CYYR1: variants seen among roughly 807,000 people sequenced by gnomAD.
CYYR1 encodes cysteine and tyrosine rich 1.
CYYR1 carries 14 observed loss-of-function variants against 15.2 expected under a neutral mutation model. That is an observed-to-expected ratio of 0.92 (90% confidence interval 0.61 to 1.44). CYYR1 has a LOEUF of 1.44. Ranked by LOEUF, CYYR1 falls within the 40% of genes most tolerant of loss-of-function variation. The pLI, the probability that CYYR1 is intolerant of heterozygous loss-of-function variation, is 0.00. For synonymous variants in CYYR1, 80 were observed against 77.4 expected (o/e 1.03, Z -0.18); for missense variants, 228 against 209.5 (o/e 1.09, Z -0.54).
intron 2 of CYYR1, chr21:26,503,830 A>G (rs1261957343): frequency 6.6e-6 from 1 of 152,234 alleles, no homozygotes; most frequent in Non-Finnish European, 1.5e-5. Flanking sequence ...GTACAAATCC[A>G]TACAAAAGAG....
intron 2 of CYYR1, among the ~76,000 whole-genome samples, chr21:26,562,799 A>ACACACACACACACACACAC (rs1980321214): frequency 4.5e-5 from 6 of 132,492 alleles, no homozygotes; most frequent in Admixed American, 7.5e-5. Flanking sequence ...GACATACACA[A>ACACACACACACACACACAC]ACACACACAC....
rs899484858 is a variant in CYYR1 at position 26,466,317 on chromosome 21, A to G, written c.*2184T>C. 6.6e-6 allele frequency: 1 copy of G among 152,218 alleles called. No homozygotes were observed. Among genetic ancestry groups the G allele is most frequent in the Admixed American group, 6.5e-5 (1 of 15,284 alleles). The allele number at this position is 152,218 out of a possible 1,614,324, so 9.4% of individuals were successfully genotyped here. ...CCGTAATTCAAAACTTTCACATCCT[A>G]TACTATTTTTCCCCAAGAAGCATCA... On this transcript the variant is annotated 3_prime_UTR_variant, in exon 4 of 4. Transcript: ENST00000652641.
intron 2 of CYYR1, among the ~76,000 whole-genome samples, chr21:26,553,065 CTTAAT>C: frequency 1.3e-5 from 2 of 152,090 alleles, no homozygotes; most frequent in South Asian, 4.1e-4. Flanking sequence ...CTTAATTTTT[CTTAAT>C]TTAAGAATGT....
chr21:26,498,572 C>T (rs374711194), intron 2 of CYYR1, among the ~76,000 whole-genome samples: 19 of 152,266 alleles, frequency 1.2e-4, no homozygotes, highest in African/African-American at 4.6e-4. Flanking sequence ...TGTGAAGGGC[C>T]TTATGAGCCA....
At chr21:26,560,839 T>A (rs976055383) in intron 2 of CYYR1, among the ~76,000 whole-genome samples, 2 of 152,162 alleles carry the variant, frequency 1.3e-5, no homozygotes, top group Non-Finnish European at 2.9e-5. Flanking sequence ...GGCAGGAACG[T>A]GATGTTTGAT....
intron 3 of CYYR1, among the ~76,000 whole-genome samples, chr21:26,474,981 GC>G (rs1234594559): frequency 7.9e-5 from 12 of 152,006 alleles, no homozygotes; most frequent in Non-Finnish European, 1.2e-4. Context: ...CTTCTCCATT[GC>G]CTGGCAGAAC....
intron 3 of CYYR1, chr21:26,478,162 A>T (rs1047110898): frequency 6.5e-7 from 1 of 1,548,610 alleles, no homozygotes; most frequent in Admixed American, 2.0e-5. Context: ...AACAATAAAC[A>T]ATCAACATAA....
At chr21:26,511,987 T>TAC (rs61382991) in intron 2 of CYYR1, among the ~76,000 whole-genome samples, 2,330 of 148,202 alleles carry the variant, frequency 0.016, 38 homozygotes, top group African/African-American at 0.041. Flanking sequence ...ATATCACACA[T>TAC]ACACACACAC....
intron 3 of CYYR1, chr21:26,471,461 A>G (rs1453666964): frequency 6.6e-6 from 1 of 152,224 alleles, no homozygotes. Context: ...ATGCAGCTGC[A>G]TGTTGAACAT....
At chr21:26,542,013 A>G (rs1376252530) in intron 2 of CYYR1, among the ~76,000 whole-genome samples, 1 of 152,208 alleles carries the variant, frequency 6.6e-6, no homozygotes, top group African/African-American at 2.4e-5. Context: ...AGATAACAGT[A>G]AACTGAAAGA....
intron 2 of CYYR1, among the ~76,000 whole-genome samples, chr21:26,485,931 T>C (rs1475845355): frequency 1.3e-5 from 2 of 152,140 alleles, no homozygotes; most frequent in South Asian, 2.1e-4. Context: ...TCTGCGTCCT[T>C]GCCAGTATCT....
intron 2 of CYYR1, chr21:26,483,452 T>A (rs1348884117): frequency 1.7e-5 from 17 of 982,470 alleles, no homozygotes; most frequent in Non-Finnish European, 1.9e-5. Flanking sequence ...ACTTGGAAGT[T>A]TAGTTTGCAA....
At chr21:26,572,831 G>A (rs745960184) in intron 1 of CYYR1, 37 bp downstream of exon 1, 2 of 1,610,472 alleles carry the variant, frequency 1.2e-6, no homozygotes, top group Admixed American at 3.4e-5. Flanking sequence ...GGGCAGCCCC[G>A]AGCCTCTGAC....
chr21:26,514,708 T>C (rs1009059997), intron 2 of CYYR1, among the ~76,000 whole-genome samples: 4 of 152,204 alleles, frequency 2.6e-5, no homozygotes, highest in African/African-American at 9.7e-5. Flanking sequence ...CTAACTTATT[T>C]TGAGCACTAA....
chr21:26,535,595 A>G (rs1403024303), intron 2 of CYYR1, among the ~76,000 whole-genome samples: 2 of 152,224 alleles, frequency 1.3e-5, no homozygotes, highest in Non-Finnish European at 2.9e-5. Flanking sequence ...GGTTAAGTCA[A>G]TGAATTCTAA....
chr21:26,495,699 T>C (rs770921143), intron 2 of CYYR1, among the ~76,000 whole-genome samples: 12 of 152,322 alleles, frequency 7.9e-5, no homozygotes, highest in Non-Finnish European at 4.4e-5. Flanking sequence ...GGGTGAACTG[T>C]TGACGTGATC....
At chr21:26,518,085 G>A (rs1244012422) in intron 2 of CYYR1, among the ~76,000 whole-genome samples, 1 of 152,188 alleles carries the variant, frequency 6.6e-6, no homozygotes, top group Non-Finnish European at 1.5e-5. Flanking sequence ...TGTTAAGAAA[G>A]GAGTGATTTC....
At chr21:26,472,213 C>A (rs2065043927) in intron 3 of CYYR1, among the ~76,000 whole-genome samples, 1 of 152,144 alleles carries the variant, frequency 6.6e-6, no homozygotes, top group Non-Finnish European at 1.5e-5. Flanking sequence ...GCTGCATATT[C>A]TTCATAAGCT....
At chr21:26,514,232 AC>A (rs1009994727) in intron 2 of CYYR1, among the ~76,000 whole-genome samples, 2 of 151,754 alleles carry the variant, frequency 1.3e-5, no homozygotes, top group Non-Finnish European at 2.9e-5. Context: ...ATTTGGTTTG[AC>A]CCCCCTCCAA....
Sources: gnomAD v4.1 joint callset for allele counts (sites outside exome capture counted in the v4.1 genomes callset) on GRCh38, gnomAD v4.1.1 for gene constraint, MANE v1.5 for transcripts, NCBI Gene and HGNC (gene_info 2026-07-23, HGNC 2026-07-21) for gene names.